The following FOXN3 variants were observed in gnomAD, a reference collection of about 807,000 sequenced individuals.
FOXN3 encodes forkhead box protein N3.
Under a neutral mutation model 38.4 loss-of-function variants are expected in FOXN3, and 7 were observed. The ratio of observed to expected loss-of-function variants is 0.18; its 90% CI spans 0.10 to 0.34. The LOEUF (loss-of-function observed/expected upper bound fraction) is 0.34, where lower values mean the gene tolerates loss of function less well. Ranked by LOEUF, FOXN3 falls within the 10% of genes least tolerant of loss-of-function variation. The pLI is 1.00. For missense variants in FOXN3, 456 were observed against 613.4 expected (o/e 0.74, Z 2.71); for synonymous variants, 230 against 242.2 (o/e 0.95, Z 0.47).
chr14:89,574,352 C>T (rs915838352), intron 1 of FOXN3, among the ~76,000 whole-genome samples: 1 of 152,196 alleles, frequency 6.6e-6, no homozygotes, highest in Non-Finnish European at 1.5e-5. Flanking sequence ...AGGACATATT[C>T]GTTCCATGGT....
intron 2 of FOXN3, among the ~76,000 whole-genome samples, chr14:89,367,366 T>C (rs1890189984): frequency 6.6e-6 from 1 of 152,184 alleles, no homozygotes. Context: ...CACCCTGATG[T>C]GGCGGCACCC....
In FOXN3 at chr14:89,237,308, T is replaced by C. The variant is rs185803016; in HGVS notation, c.745+43642A>G. ...GAGATATCATTAAATACCTTCAGAA[T>C]GGCTATGAAAAAATAGTGACAACAC... On this transcript the variant is annotated intron_variant, in intron 4 of 5. Coordinates refer to ENST00000557258, the MANE Select transcript of FOXN3 (RefSeq NM_005197.4). Among the ~76,000 whole-genome samples the C allele has an allele frequency of 5.3e-5, 8 of 152,300 alleles. No individual in the cohort carries two copies. The East Asian group carries it at 1.5e-3, about 29-fold the overall frequency.
rs534644073 is a variant in FOXN3 at position 89,591,465 on chromosome 14, A to T, written c.-15+27563T>A. ...ACTGATATTTGAGGAACTGGCTCAA[A>T]CATCCGACCACTCCACAGGGAAGCT... is the stretch of plus-strand genomic sequence containing the variant. On this transcript the variant is annotated intron_variant, in intron 1 of 6. Coordinates refer to the FOXN3 transcript ENST00000345097. Among the ~76,000 whole-genome samples the T allele has an allele frequency of 8.5e-5, 13 of 152,304 alleles. No individual in the cohort carries two copies. The East Asian group carries it at 2.5e-3, about 29-fold the overall frequency.
At chr14:89,493,417 A>G (rs1423177982) in intron 1 of FOXN3, among the ~76,000 whole-genome samples, 1 of 152,186 alleles carries the variant, frequency 6.6e-6, no homozygotes, top group Non-Finnish European at 1.5e-5. Context: ...CTCCTCCGAA[A>G]TTACTGCACA....
intron 3 of FOXN3, among the ~76,000 whole-genome samples, chr14:89,330,587 T>C (rs2139985623): frequency 6.6e-6 from 1 of 152,260 alleles, no homozygotes; most frequent in Non-Finnish European, 1.5e-5. Flanking sequence ...AAAAGGCTAT[T>C]TGTTTATGGG....
At chr14:89,447,330 A>G (rs1237209276) in intron 1 of FOXN3, among the ~76,000 whole-genome samples, 1 of 152,122 alleles carries the variant, frequency 6.6e-6, no homozygotes, top group Non-Finnish European at 1.5e-5. Flanking sequence ...TTCCTCCACC[A>G]GTCATACAGG....
intron 3 of FOXN3, among the ~76,000 whole-genome samples, chr14:89,317,522 T>A (rs1887755597): frequency 6.6e-6 from 1 of 152,116 alleles, no homozygotes; most frequent in Non-Finnish European, 1.5e-5. Context: ...GCTCAAAATG[T>A]CACCTGAGGG....
At chr14:89,617,721 C>T (rs886321993) in intron 1 of FOXN3, among the ~76,000 whole-genome samples, 1 of 152,158 alleles carries the variant, frequency 6.6e-6, no homozygotes, top group African/African-American at 2.4e-5. Context: ...CCAAAATGGC[C>T]TACTTTATGT....
At chr14:89,355,826 T>C (rs1889197160) in intron 2 of FOXN3, among the ~76,000 whole-genome samples, 2 of 152,276 alleles carry the variant, frequency 1.3e-5, no homozygotes, top group African/African-American at 2.4e-5. Flanking sequence ...GGTTGTGTTT[T>C]TTCCCCCTTC....
upstream of FOXN3, among the ~76,000 whole-genome samples, chr14:89,421,467 C>A (rs1287422661): frequency 3.3e-5 from 5 of 150,438 alleles, no homozygotes; most frequent in Non-Finnish European, 5.9e-5. Context: ...GCTGAGAATT[C>A]ATGTGAAATC....
At chr14:89,399,707 G>A (rs1447504984) in intron 2 of FOXN3, among the ~76,000 whole-genome samples, 1 of 152,186 alleles carries the variant, frequency 6.6e-6, no homozygotes, top group East Asian at 1.9e-4. Flanking sequence ...CTGGAAGGGG[G>A]AGGGGCTGCG....
intron 1 of FOXN3, among the ~76,000 whole-genome samples, chr14:89,531,505 C>G (rs1894568538): frequency 6.6e-6 from 1 of 152,198 alleles, no homozygotes; most frequent in Admixed American, 6.5e-5. Context: ...CCTAGGAGTT[C>G]TGATTTCTTT....
intron 1 of FOXN3, among the ~76,000 whole-genome samples, chr14:89,461,318 CAG>C (rs1411654613): frequency 1.3e-5 from 2 of 150,650 alleles, no homozygotes; most frequent in African/African-American, 2.5e-5. Flanking sequence ...GGCCAGGCGA[CAG>C]AGTGAGGCTC....
chr14:89,441,756 G>C (rs190936776), intron 1 of FOXN3, among the ~76,000 whole-genome samples: 1 of 152,092 alleles, frequency 6.6e-6, no homozygotes, highest in Non-Finnish European at 1.5e-5. Flanking sequence ...AGGAGGGAGG[G>C]GGGTGGAAGT....
intron 4 of FOXN3, among the ~76,000 whole-genome samples, chr14:89,231,329 T>C (rs1205443884): frequency 2.0e-5 from 3 of 152,202 alleles, no homozygotes; most frequent in African/African-American, 7.2e-5. Flanking sequence ...TAGGAAATAC[T>C]TGCAACAAAC....
At chr14:89,262,688 A>G (rs1885844069) in intron 4 of FOXN3, among the ~76,000 whole-genome samples, 2 of 152,232 alleles carry the variant, frequency 1.3e-5, no homozygotes, top group African/African-American at 4.8e-5. Flanking sequence ...TGGTTCAGAA[A>G]CACTCTCAAG....
At position 89,201,715 on chromosome 14, in the gene FOXN3, T is replaced by C. The variant is rs561445731; in HGVS notation, c.746-20909A>G. On this transcript the variant is annotated intron_variant, in intron 4 of 5. Transcript: ENST00000557258. The stretch of plus-strand genomic sequence containing the variant: ...TCTTGAGTCTGTTTTTCCCCCTCTC[T>C]ATGCTATAAGGTCATCTTCCCCAGT... Among the ~76,000 whole-genome samples, 6 of 152,318 alleles carry C rather than the reference T, an allele frequency of 3.9e-5. No individual in the cohort carries two copies. The East Asian group carries it at 1.2e-3, about 29-fold the overall frequency.
intron 1 of FOXN3, among the ~76,000 whole-genome samples, chr14:89,578,383 C>T (rs1895676234): frequency 6.6e-6 from 1 of 152,016 alleles, no homozygotes; most frequent in Admixed American, 6.6e-5. Context: ...TCTCTTCTAC[C>T]CCCTCTCTCT....
intron 3 of FOXN3, among the ~76,000 whole-genome samples, chr14:89,316,580 C>T (rs1887724844): frequency 2.7e-5 from 4 of 150,942 alleles, no homozygotes; most frequent in Non-Finnish European, 4.4e-5. Flanking sequence ...AGACTGGTCT[C>T]GAACTCCTGG....
Sources: gnomAD v4.1 joint callset for allele counts (sites outside exome capture counted in the v4.1 genomes callset) on GRCh38, gnomAD v4.1.1 for gene constraint, MANE v1.5 for transcripts, NCBI Gene and HGNC (gene_info 2026-07-23, HGNC 2026-07-21) for gene names.